The following PAGE2B variants were observed in gnomAD, a reference collection of about 807,000 sequenced individuals.
PAGE2B encodes the protein putative G antigen family E member 3.
In PAGE2B, 5 loss-of-function variants were observed where a neutral mutation model predicts 7.6. The ratio of observed to expected loss-of-function variants is 0.66; its 90% CI spans 0.34 to 1.38. PAGE2B has a LOEUF of 1.38. PAGE2B is among the 40% of genes most tolerant of loss of function. The pLI is 0.04. For missense variants in PAGE2B, 70 were observed against 78.4 expected (o/e 0.89, Z 0.41); for synonymous variants, 29 against 26.7 (o/e 1.09, Z -0.27).
the PAGE2B span, among the ~76,000 whole-genome samples, chrX:55,028,703 CCTCA>C: frequency 8.9e-6 from 1 of 111,753 alleles, no homozygotes. Context: ...ATTTGCTCTG[CCTCA>C]CTCTGCCTGG....
At chrX:55,052,412 G>A in the PAGE2B span, among the ~76,000 whole-genome samples, 1 of 112,707 alleles carries the variant, frequency 8.9e-6, no homozygotes, top group East Asian at 2.8e-4. Context: ...CAGAGGTGGA[G>A]CCTACAGAGG....
the PAGE2B span, among the ~76,000 whole-genome samples, chrX:55,047,039 T>C: frequency 9.0e-6 from 1 of 110,968 alleles, no homozygotes; most frequent in Non-Finnish European, 1.9e-5. Flanking sequence ...TAACTCGTCA[T>C]TTAACATTAG....
At chrX:55,036,481 A>G in the PAGE2B span, among the ~76,000 whole-genome samples, 3 of 111,119 alleles carry the variant, frequency 2.7e-5, no homozygotes, top group Non-Finnish European at 5.7e-5. Flanking sequence ...TCCCATCAAT[A>G]CCTAATTTAT....
intron 3 of PAGE2B, 98 bp from the exon 4 acceptor site, chrX:55,077,301 G>T: frequency 8.6e-7 from 1 of 1,156,470 alleles, no homozygotes; most frequent in Non-Finnish European, 1.2e-6. Context: ...TTAGCCTACA[G>T]GTTTTTACTT....
the PAGE2B span, among the ~76,000 whole-genome samples, chrX:55,045,581 C>T: frequency 9.0e-6 from 1 of 111,073 alleles, no homozygotes; most frequent in Non-Finnish European, 1.9e-5. Flanking sequence ...CTCTTAAAAC[C>T]CATCCCTAGC....
intron 1 of PAGE2B, among the ~76,000 whole-genome samples, 193 bp from the exon 2 acceptor site, chrX:55,075,841 C>T (rs1936504700): frequency 2.7e-5 from 3 of 111,460 alleles, no homozygotes; most frequent in Admixed American, 9.5e-5. Context: ...ATTTCTATGC[C>T]TCTTCGACTA....
upstream of PAGE2B, among the ~76,000 whole-genome samples, chrX:55,071,974 T>C (rs1243284399): frequency 8.9e-6 from 1 of 112,111 alleles, no homozygotes; most frequent in East Asian, 2.8e-4. Flanking sequence ...GTCAAGGTTC[T>C]TAGCTTCCTT....
chrX:55,050,399 A>C, the PAGE2B span, among the ~76,000 whole-genome samples: 10 of 108,254 alleles, frequency 9.2e-5, no homozygotes, highest in Non-Finnish European at 7.7e-5. Context: ...TCTAATGTTG[A>C]CAGTGGGGTG....
the PAGE2B span, among the ~76,000 whole-genome samples, chrX:55,050,114 G>A: frequency 1.9e-4 from 21 of 112,421 alleles, no homozygotes; most frequent in East Asian, 5.6e-4. Flanking sequence ...GTAGTTGAGC[G>A]GTTTTCAGTG....
At chrX:55,034,092 G>A in the PAGE2B span, among the ~76,000 whole-genome samples, 1 of 111,919 alleles carries the variant, frequency 8.9e-6, no homozygotes, top group Non-Finnish European at 1.9e-5. Context: ...GATTAAGGAA[G>A]ACATACAGGC....
At chrX:55,071,323 G>T (rs901117112), upstream of PAGE2B, among the ~76,000 whole-genome samples, 1 of 110,834 alleles carries the variant, frequency 9.0e-6, no homozygotes, top group Non-Finnish European at 1.9e-5. Flanking sequence ...CGTTTGGCTG[G>T]GTATGAAATT....
the PAGE2B span, among the ~76,000 whole-genome samples, chrX:55,060,540 T>C: frequency 8.9e-6 from 1 of 111,894 alleles, no homozygotes; most frequent in Non-Finnish European, 1.9e-5. Context: ...ATCAGATATG[T>C]AGTTTGCAAA....
the PAGE2B span, among the ~76,000 whole-genome samples, chrX:55,044,565 A>G: frequency 9.1e-6 from 1 of 110,455 alleles, no homozygotes; most frequent in East Asian, 2.8e-4. Flanking sequence ...GAACTTATCC[A>G]TGTAATGAAA....
At chrX:55,060,017 T>C in the PAGE2B span, among the ~76,000 whole-genome samples, 3 of 111,420 alleles carry the variant, frequency 2.7e-5, no homozygotes, top group Non-Finnish European at 5.7e-5. Context: ...ATACTCCACA[T>C]TTTCCCTATC....
chrX:55,077,715 G>T lies in PAGE2B; in HGVS notation c.319+191G>T, dbSNP rs373279664. On this transcript the variant is annotated intron_variant, in intron 4 of 4. Coordinates refer to ENST00000374971, the MANE Select transcript of PAGE2B (RefSeq NM_001015038.3). ...AGGGCCAGGTGTGGTGGCTCATGCT[G>T]TTAATTCCAGCACTTTGGGAGGCCG... Among the ~76,000 whole-genome samples, 28 of 112,715 alleles carry T rather than the reference G, an allele frequency of 2.5e-4. No homozygotes were observed. In the South Asian group the frequency reaches 6.7e-3, roughly 27 times the overall value.
the PAGE2B span, among the ~76,000 whole-genome samples, chrX:55,062,584 G>T: frequency 3.6e-5 from 4 of 111,470 alleles, no homozygotes; most frequent in Non-Finnish European, 7.5e-5. Context: ...CCTTTGCTGT[G>T]CAGAAGCTTT....
the PAGE2B span, among the ~76,000 whole-genome samples, chrX:55,052,162 C>A: frequency 9.0e-6 from 1 of 111,603 alleles, no homozygotes; most frequent in Non-Finnish European, 1.9e-5. Context: ...CTGATCGTTC[C>A]TCTGAAAGTT....
chrX:55,059,006 A>C, the PAGE2B span, among the ~76,000 whole-genome samples: 5 of 110,289 alleles, frequency 4.5e-5, no homozygotes, highest in Non-Finnish European at 9.5e-5. Flanking sequence ...TCTCTTCACA[A>C]AAAAAAAGGA....
chrX:55,065,424 T>G, the PAGE2B span, among the ~76,000 whole-genome samples: 1 of 111,916 alleles, frequency 8.9e-6, no homozygotes, highest in Non-Finnish European at 1.9e-5. Flanking sequence ...TCCCATTATT[T>G]TCACTTTACG....
Sources: gnomAD v4.1 joint callset for allele counts (sites outside exome capture counted in the v4.1 genomes callset) on GRCh38, gnomAD v4.1.1 for gene constraint, MANE v1.5 for transcripts, NCBI Gene and HGNC (gene_info 2026-07-23, HGNC 2026-07-21) for gene names.